ABCA7: variants seen among roughly 807,000 people sequenced by gnomAD.
ABCA7 encodes the protein ATP binding cassette subfamily A member 7.
In ABCA7, 261 loss-of-function variants were observed where a neutral mutation model predicts 227.6. The ratio of observed to expected loss-of-function variants is 1.15; its 90% CI spans 1.04 to 1.27. The LOEUF is 1.27. Ranked by LOEUF, ABCA7 falls within the 50% of genes most tolerant of loss-of-function variation. The pLI, the probability that ABCA7 is intolerant of heterozygous loss-of-function variation, is 0.00. For missense variants in ABCA7, 3,331 were observed against 2,924.5 expected (o/e 1.14, Z -3.21); for synonymous variants, 1,488 against 1,279.7 (o/e 1.16, Z -3.47).
Position 1,058,925 on chromosome 19 carries a change from G to A in ABCA7, c.5385G>A (p.Leu1795=). 2.5e-6 allele frequency: 4 copies of A among 1,601,404 alleles called. No individual in the cohort carries two copies. Among genetic ancestry groups the A allele is most frequent in the Non-Finnish European group, 3.4e-6 (4 of 1,171,198 alleles). ...CCACCCAGGGGGATGTGTTGGTGCT[G>A]AGGAACTTGACCAAGGTAGGTGTGG... is the stretch of plus-strand genomic sequence containing the variant. The part of the protein sequence containing the change: ...QGATQGDVLV[L]RNLTKVYRGQ... The change falls in exon 39 of 47, where the codon CTG becomes CTA. Residue 1795 remains leucine (L), a synonymous_variant. Transcript: ENST00000263094.
At chr19:1,046,130 G>A in intron 12 of ABCA7, 100 bp from the exon 13 acceptor site, 1 of 1,353,048 alleles carries the variant, frequency 7.4e-7, no homozygotes, top group African/African-American at 1.4e-5. Context: ...TCCAGCCTGG[G>A]CGACAGAGCA....
rs889068131 is a variant in ABCA7, at chr19:1,043,103, C to T, written c.642C>T (p.Ser214=). The T allele has an allele frequency of 1.6e-5, 26 of 1,612,328 alleles. 1 individual carries two copies. The Admixed American group carries it at 2.8e-4, about 18-fold the overall frequency. The change falls in exon 8 of 47, where the codon AGC becomes AGT. Residue 214 remains serine, a synonymous_variant. Coordinates refer to ENST00000263094, the MANE Select transcript of ABCA7 (RefSeq NM_019112.4). ...RALLQRPRGT[S]GPLELLSEAL... is the part of the protein sequence containing the mutation. Reference sequence around the variant, plus strand: ...TGCTGCAGAGACCCCGAGGGACCAGCGGCCCCCTGGAGTTGCTGTCAGAGG... The same window carrying T: ...TGCTGCAGAGACCCCGAGGGACCAGTGGCCCCCTGGAGTTGCTGTCAGAGG...
Position 1,064,588 on chromosome 19 carries a change from TGGG to T in ABCA7, c.6044+337_6044+339del. 5 of 312,604 alleles carry T rather than the reference TGGG, an allele frequency of 1.6e-5. No homozygotes were observed. The South Asian group carries it at 1.7e-4, about 10-fold the overall frequency. 19.4% of individuals were successfully genotyped at this position (312,604 alleles called of 1,614,324 possible). ...GTTAGTGGGCGGGGCCATAGGAAAG[TGGG>T]GCGGGGGTATTTATTGTGTGGGCGG... On this transcript the variant is annotated intron_variant, in intron 45 of 46. Transcript: ENST00000263094.
chr19:1,048,858 G>A (rs1178811099), intron 16 of ABCA7, 37 bp from the exon 17 acceptor site: 2 of 1,293,546 alleles, frequency 1.5e-6, no homozygotes, highest in African/African-American at 1.5e-5. Context: ...CACTCCTGGG[G>A]GGTGGGCTAA....
In ABCA7 at chr19:1,050,884, T is replaced by C. The variant is rs776993437; in HGVS notation, c.2553-37T>C. The C allele has an allele frequency of 9.3e-6, 14 of 1,504,112 alleles. No homozygotes were observed. The South Asian group carries it at 1.7e-4, about 18-fold the overall frequency. 93.2% of individuals were successfully genotyped at this position (1,504,112 alleles called of 1,614,324 possible). On this transcript the variant is annotated intron_variant, in intron 18 of 46. Coordinates refer to ENST00000263094, the MANE Select transcript of ABCA7 (RefSeq NM_019112.4). Reference sequence around the variant, plus strand: ...AAGCTCTGTAACTGCCAGTGCACTCTGTGAAGGGGGCTACTCTGAGACCCC... The same window carrying C: ...AAGCTCTGTAACTGCCAGTGCACTCCGTGAAGGGGGCTACTCTGAGACCCC...
chr19:1,052,214 G>A lies in ABCA7; in HGVS notation c.3148G>A (p.Ala1050Thr). Residue 1050 changes from alanine (A) to threonine (T), a missense_variant and splice_region_variant, in exon 23 of 47, where the codon GCT (alanine) becomes ACT (threonine). Coordinates refer to ENST00000263094, the MANE Select transcript of ABCA7 (RefSeq NM_019112.4). Reference sequence around the variant, plus strand: ...CCACTTGGTGCCTCTCTGCCCGCAGGCTGACACTGACATGGAGGGCAGTGT... The same window carrying A: ...CCACTTGGTGCCTCTCTGCCCGCAGACTGACACTGACATGGAGGGCAGTGT... ...ARLPLTTNEK[A>T]DTDMEGSVDT... The A allele has an allele frequency of 6.3e-7, 1 of 1,587,702 alleles. No individual in the cohort carries two copies. Among genetic ancestry groups the A allele is most frequent in the Non-Finnish European group, 8.6e-7 (1 of 1,167,934 alleles).
In ABCA7 at chr19:1,052,021, C is replaced by T. The variant is rs1273231131; in HGVS notation, c.3042C>T (p.Gly1014=). The T allele has an allele frequency of 1.9e-6, 3 of 1,612,002 alleles. No homozygotes were observed. The highest frequency in any genetic ancestry group is 1.7e-6 in the Non-Finnish European group (2 of 1,179,896). ...LGDRVAVVAG[G]RLCCCGSPLF... Reference sequence around the variant, plus strand: ...ACCGTGTGGCCGTGGTGGCAGGTGGCCGCTTGTGCTGCTGTGGCTCCCCAC... The same window carrying T: ...ACCGTGTGGCCGTGGTGGCAGGTGGTCGCTTGTGCTGCTGTGGCTCCCCAC... The change falls in exon 22 of 47, where the codon GGC becomes GGT. Residue 1014 remains glycine, a synonymous_variant. Transcript: ENST00000263094.
At chr19:1,043,999 G>A (rs1245646131) in intron 10 of ABCA7, among the ~76,000 whole-genome samples, 158 bp downstream of exon 10, 11 of 149,934 alleles carry the variant, frequency 7.3e-5, no homozygotes, top group Non-Finnish European at 1.2e-4. Flanking sequence ...ATGCAGTGGC[G>A]TGATCTCGAC....
rs544627767 is a variant in ABCA7, at chr19:1,054,473, C to T, written c.3727-97C>T. On this transcript the variant is annotated intron_variant, in intron 27 of 46. Transcript: ENST00000263094. This position sits in a 1 kb window ranked among gnomAD's most constrained non-coding sequence, Gnocchi z 4.8. ...ACCCAAAGCACATTTATTGAGGGCA[C>T]TGGGGAGCCATGGGTGGTTGTAGAG... 1.9e-5 allele frequency: 29 copies of T among 1,566,668 alleles called. No homozygotes were observed. The African/African-American group carries it at 3.9e-4, about 21-fold the overall frequency.
At position 1,049,342 on chromosome 19, in the gene ABCA7, C is replaced by A; in HGVS notation, c.2457C>A (p.Ser819Arg). 1 of 1,611,638 alleles carries A rather than the reference C, an allele frequency of 6.2e-7. No individual in the cohort carries two copies. The highest frequency in any genetic ancestry group is 8.5e-7 in the Non-Finnish European group (1 of 1,179,262). Reference sequence around the variant, plus strand: ...GCCTGGAGAAGCGCTTTCCTGGAAGCCCGCAGCCAGCCCTGCGGGGGCTCA... The same window carrying A: ...GCCTGGAGAAGCGCTTTCCTGGAAGACCGCAGCCAGCCCTGCGGGGGCTCA... The part of the protein sequence containing the change: ...VRSLEKRFPG[S>R]PQPALRGLSL... Residue 819 changes from serine (S) to arginine (R), a missense_variant, in exon 18 of 47, where the codon AGC (serine) becomes AGA (arginine). Coordinates refer to ENST00000263094, the MANE Select transcript of ABCA7 (RefSeq NM_019112.4).
intron 46 of ABCA7, 40 bp downstream of exon 46, chr19:1,065,211 G>A (rs1172938256): frequency 6.3e-7 from 1 of 1,596,858 alleles, no homozygotes; most frequent in Admixed American, 1.7e-5. Context: ...GAGGCAGGCT[G>A]GGGGCCAGGC....
intron 30 of ABCA7, among the ~76,000 whole-genome samples, chr19:1,055,605 C>A (rs11671895): frequency 6.7e-6 from 1 of 148,372 alleles, no homozygotes; most frequent in South Asian, 2.1e-4. Flanking sequence ...CAGTTTCAAG[C>A]GATTCTCCTC....
At chr19:1,062,406 G>T (rs567839564) in intron 42 of ABCA7, 93 bp downstream of exon 42, 4 of 1,536,754 alleles carry the variant, frequency 2.6e-6, no homozygotes, top group South Asian at 2.4e-5. Flanking sequence ...GCACTCTCTC[G>T]CCTTGGCTCC....
chr19:1,046,261 CT>C lies in ABCA7; in HGVS notation c.1478del (p.Leu493ArgfsTer54), dbSNP rs2040645704. Reference protein sequence around the residue: ...FWDPGPAADPLTDLRYVWGGF... With the variant: ...FWDPGPAADPXTDLRYVWGGF... ...GGACCCTGGCCCAGCCGCGGACCCCCTGACCGACCTGCGCTACGTGTGGGGC... is the reference window on the plus strand; with the variant it reads ...GGACCCTGGCCCAGCCGCGGACCCCCGACCGACCTGCGCTACGTGTGGGGC... On this transcript the variant is annotated frameshift_variant, in exon 13 of 47. Coordinates refer to ENST00000263094, the MANE Select transcript of ABCA7 (RefSeq NM_019112.4). LOFTEE classifies it high-confidence loss of function. The C allele has an allele frequency of 6.2e-7, 1 of 1,607,086 alleles. No homozygotes were observed. The highest frequency in any genetic ancestry group is 1.3e-5 in the African/African-American group (1 of 74,922).
Position 1,052,928 on chromosome 19 carries a change from C to G in ABCA7, c.3221-401C>G, listed in dbSNP as rs377655453. Among the ~76,000 whole-genome samples, 24 of 152,230 alleles carry G rather than the reference C, an allele frequency of 1.6e-4. No homozygotes were observed. In the East Asian group the frequency reaches 2.9e-3, roughly 18 times the overall value. ...TTTTTGTTTGTTTCTGAGTCTTGCT[C>G]TGTCGCCCAGGCTGTAGTGCAGTGG... On this transcript the variant is annotated intron_variant, in intron 23 of 46. Transcript: ENST00000263094.
chr19:1,050,240 C>T (rs1006986246), intron 18 of ABCA7, among the ~76,000 whole-genome samples: 19 of 151,238 alleles, frequency 1.3e-4, no homozygotes, highest in Non-Finnish European at 8.8e-5. Flanking sequence ...GCAAAACCAT[C>T]TCTACTAAAA....
At chr19:1,045,471 T>TCTG in intron 12 of ABCA7, 1 of 549,028 alleles carries the variant, frequency 1.8e-6, no homozygotes, top group South Asian at 2.3e-5. Flanking sequence ...CAGGTATAGG[T>TCTG]TGAGGGCAAT....
At chr19:1,044,900 G>A in intron 11 of ABCA7, 102 bp from the exon 12 acceptor site, 1 of 1,513,824 alleles carries the variant, frequency 6.6e-7, no homozygotes, top group South Asian at 1.2e-5. Flanking sequence ...GTGGGCCTAC[G>A]AGGGGAAAAC....
rs150867671 is a variant in ABCA7, at chr19:1,045,084, G to T, written c.1298G>T (p.Arg433Leu). ...GCCCTGCAACTGCTCGCGGAACATCGATTCTGGGCCGGCGTCGTCTTCTTG... is the reference window on the plus strand; with the variant it reads ...GCCCTGCAACTGCTCGCGGAACATCTATTCTGGGCCGGCGTCGTCTTCTTG... ...SRALQLLAEHRFWAGVVFLGP... is the reference protein window; with the variant it reads ...SRALQLLAEHLFWAGVVFLGP... The change falls in exon 12 of 47, where the codon CGA becomes CTA. Residue 433 changes from arginine (R) to leucine (L), a missense_variant. By Grantham distance (102) the Arg-to-Leu change is moderately radical. Coordinates refer to ENST00000263094, the MANE Select transcript of ABCA7 (RefSeq NM_019112.4). The T allele has an allele frequency of 6.2e-7, 1 of 1,612,812 alleles. No homozygotes were observed. The highest frequency in any genetic ancestry group is 1.3e-5 in the African/African-American group (1 of 74,868).
Sources: allele counts gnomAD v4.1 joint callset (sites outside exome capture counted in the v4.1 genomes callset), GRCh38; gene constraint gnomAD v4.1.1; non-coding constraint Gnocchi (gnomAD v3.1); transcripts MANE v1.5; gene names NCBI Gene and HGNC (gene_info 2026-07-23, HGNC 2026-07-21).